Variants in EZH2 observed in about 807,000 individuals in gnomAD.
EZH2 encodes enhancer of zeste 2 polycomb repressive complex 2 subunit, also known as histone-lysine N-methyltransferase EZH2.
In EZH2, 18 loss-of-function variants were observed where a neutral mutation model predicts 98.4. The observed-to-expected ratio is 0.18, with a 90% CI of 0.13 to 0.27. EZH2 has a LOEUF of 0.27. EZH2 is among the 10% of genes least tolerant of loss of function. The pLI is 1.00. For synonymous variants in EZH2, 338 were observed against 312.3 expected, an observed-to-expected ratio of 1.08 and a Z score of -0.87; for missense variants, 470 against 935.1, an observed-to-expected ratio of 0.50 and a Z score of 6.49.
intron 12 of EZH2, among the ~76,000 whole-genome samples, chr7:148,815,778 T>C (rs1804384113): frequency 6.6e-6 from 1 of 152,228 alleles, no homozygotes; most frequent in African/African-American, 2.4e-5. Context: ...CCATGACTCC[T>C]GGTCAGAACT....
intron 1 of EZH2, among the ~76,000 whole-genome samples, chr7:148,861,643 T>G (rs1817680068): frequency 6.6e-6 from 1 of 152,092 alleles, no homozygotes; most frequent in Non-Finnish European, 1.5e-5. Context: ...AAATAACACA[T>G]TTTTAAAAAG....
At chr7:148,848,394 A>C (rs991990662) in intron 1 of EZH2, among the ~76,000 whole-genome samples, 4 of 152,192 alleles carry the variant, frequency 2.6e-5, no homozygotes, top group Admixed American at 6.5e-5. Context: ...AATTCCACCA[A>C]ATGATGATTT....
At chr7:148,858,226 A>G (rs1817133304) in intron 1 of EZH2, among the ~76,000 whole-genome samples, 1 of 151,922 alleles carries the variant, frequency 6.6e-6, no homozygotes, top group African/African-American at 2.4e-5. Context: ...CGGGAGGCAG[A>G]GCTTGCAATG....
chr7:148,879,736 G>A (rs1179672885), intron 1 of EZH2, among the ~76,000 whole-genome samples: 2 of 152,014 alleles, frequency 1.3e-5, no homozygotes, highest in Non-Finnish European at 2.9e-5. Flanking sequence ...GCCGAGCGTG[G>A]TGGCGCACGC....
intron 1 of EZH2, among the ~76,000 whole-genome samples, chr7:148,862,950 C>T (rs750776927): frequency 1.3e-5 from 2 of 151,244 alleles, no homozygotes; most frequent in Non-Finnish European, 2.9e-5. Flanking sequence ...CAAGGAACAA[C>T]TCAGTATTAT....
chr7:148,862,783 G>C (rs759481264), intron 1 of EZH2, among the ~76,000 whole-genome samples: 1 of 152,092 alleles, frequency 6.6e-6, no homozygotes, highest in Non-Finnish European at 1.5e-5. Context: ...ATCATTTTTA[G>C]TACTTCATCA....
At chr7:148,872,064 A>C (rs1285002846) in intron 1 of EZH2, among the ~76,000 whole-genome samples, 1 of 152,224 alleles carries the variant, frequency 6.6e-6, no homozygotes, top group Non-Finnish European at 1.5e-5. Flanking sequence ...GTGAATCACC[A>C]AATCACCAAG....
At chr7:148,867,492 C>T (rs1478596522) in intron 1 of EZH2, among the ~76,000 whole-genome samples, 1 of 152,192 alleles carries the variant, frequency 6.6e-6, no homozygotes, top group East Asian at 1.9e-4. Flanking sequence ...TGAGTCTCCA[C>T]TGACCTATGG....
chr7:148,834,350 TATAC>T (rs765550449), intron 3 of EZH2, among the ~76,000 whole-genome samples: 1,573 of 81,992 alleles, frequency 0.019, 15 homozygotes, highest in Middle Eastern at 0.047. Flanking sequence ...TATATATATA[TATAC>T]ACACACACAC....
Position 148,828,807 on chromosome 7 carries a change from A to G in EZH2, c.558T>C (p.Asp186=), listed in dbSNP as rs536265788. Reference sequence around the variant, plus strand: ...CTTCAGGATCGTCTCCATCATCATCATCGTCATCATCATTATATTGACCAA... The same window carrying G: ...CTTCAGGATCGTCTCCATCATCATCGTCGTCATCATCATTATATTGACCAA... ...NALGQYNDDD[D]DDDGDDPEER... Residue 186 remains aspartate, a synonymous_variant, in exon 6 of 20, where the codon GAT becomes GAC. Coordinates refer to ENST00000320356, the MANE Select transcript of EZH2 (RefSeq NM_004456.5). 1.2e-6 allele frequency: 2 copies of G among 1,613,834 alleles called. No individual in the cohort carries two copies. The highest frequency in any genetic ancestry group is 2.2e-5 in the East Asian group (1 of 44,854).
At chr7:148,809,438 A>C in intron 17 of EZH2, 48 bp from the exon 18 acceptor site, 1 of 1,435,482 alleles carries the variant, frequency 7.0e-7, no homozygotes, top group Non-Finnish European at 9.7e-7. Context: ...TTCAGTTATA[A>C]GTAAACCAAG....
chr7:148,877,620 G>A (rs1271204499), intron 1 of EZH2, among the ~76,000 whole-genome samples: 1 of 152,112 alleles, frequency 6.6e-6, no homozygotes, highest in Admixed American at 6.6e-5. Context: ...GACACAAATT[G>A]GTAGCTCAGG....
At chr7:148,809,025 G>C in intron 19 of EZH2, 46 bp downstream of exon 19, 1 of 1,496,952 alleles carries the variant, frequency 6.7e-7, no homozygotes, top group Non-Finnish European at 9.3e-7. Flanking sequence ...TCACAATCCA[G>C]TAGAAAAAGC....
chr7:148,861,032 G>A (rs977829545), intron 1 of EZH2, among the ~76,000 whole-genome samples: 1 of 151,860 alleles, frequency 6.6e-6, no homozygotes, highest in Admixed American at 6.6e-5. Context: ...GGGGGTCTAG[G>A]GGGTATTGGT....
Position 148,826,355 on chromosome 7 carries a change from A to G in EZH2, c.907+99T>C, listed in dbSNP as rs1253486248. On this transcript the variant is annotated intron_variant, in intron 8 of 19. Transcript: ENST00000320356. ...TCTAAAGATATTTGTCAAAGTAACT[A>G]CAAGATTAAATGATAAATTCTAGTT... is the stretch of plus-strand genomic sequence containing the variant. 8 of 940,918 alleles carry G rather than the reference A, an allele frequency of 8.5e-6. 1 individual carries two copies. The East Asian group carries it at 2.5e-4, about 29-fold the overall frequency. The allele number at this position is 940,918 out of a possible 1,614,324, so 58.3% of individuals were successfully genotyped here. A position where few individuals can be genotyped will look rare whatever the true frequency, so the allele number is the denominator to read the frequency against.
chr7:148,828,791 C>T lies in EZH2; in HGVS notation c.574G>A (p.Asp192Asn), dbSNP rs778968366. 27 of 1,613,516 alleles carry T rather than the reference C, an allele frequency of 1.7e-5. No homozygotes were observed. Among genetic ancestry groups the T allele is most frequent in the South Asian group, 4.4e-5 (4 of 91,034 alleles). Residue 192 changes from aspartate to asparagine, a missense_variant, in exon 6 of 20, where the codon GAT becomes AAT. Asp to Asn is a conservative substitution (Grantham distance 23, BLOSUM62 1). Coordinates refer to ENST00000320356, the MANE Select transcript of EZH2 (RefSeq NM_004456.5). ...NDDDDDDDGD[D>N]PEEREEKQKD... ...TGCTTTTCTTCTCTTTCTTCAGGAT[C>T]GTCTCCATCATCATCATCGTCATCA...
chr7:148,854,384 C>T (rs950704834), intron 1 of EZH2, among the ~76,000 whole-genome samples: 2 of 149,706 alleles, frequency 1.3e-5, no homozygotes, highest in African/African-American at 2.5e-5. Flanking sequence ...TGCAGTGAGC[C>T]GAGATCGTGC....
intron 1 of EZH2, among the ~76,000 whole-genome samples, chr7:148,858,396 C>T (rs1817171594): frequency 2.0e-5 from 3 of 151,898 alleles, no homozygotes. Context: ...AGTTCCGTGG[C>T]CCGACCGTAG....
intron 13 of EZH2, 39 bp downstream of exon 13, chr7:148,815,467 T>C (rs1224418288): frequency 5.7e-6 from 9 of 1,583,610 alleles, no homozygotes; most frequent in South Asian, 1.1e-5. Flanking sequence ...AAAGCAGATA[T>C]TGTTAAGCTA....
Sources: allele counts gnomAD v4.1 joint callset (sites outside exome capture counted in the v4.1 genomes callset), GRCh38; gene constraint gnomAD v4.1.1; transcripts MANE v1.5; gene names NCBI Gene and HGNC (gene_info 2026-07-23, HGNC 2026-07-21).